Variants in DMD observed in about 807,000 individuals in gnomAD.
DMD encodes the protein dystrophin.
Under a neutral mutation model 330.1 loss-of-function variants are expected in DMD, and 63 were observed. The observed-to-expected ratio is 0.19, with a 90% CI of 0.16 to 0.24. The LOEUF is 0.24. Among genes scored for constraint, DMD ranks in the 10% least tolerant of loss-of-function variants. The pLI, the probability that DMD is intolerant of heterozygous loss-of-function variation, is 1.00. For synonymous variants in DMD, 1,223 were observed against 959.8 expected (o/e 1.27, Z -5.07); for missense variants, 3,344 against 2,684.1 (o/e 1.25, Z -5.43).
chrX:32,421,604 C>A (rs1465972639), intron 29 of DMD, among the ~76,000 whole-genome samples: 1 of 111,664 alleles, frequency 9.0e-6, no homozygotes, highest in African/African-American at 3.3e-5. Flanking sequence ...GGGTCATCTG[C>A]CACAAAATGT....
At chrX:31,539,168 C>T (rs1603341657) in intron 55 of DMD, among the ~76,000 whole-genome samples, 1 of 111,813 alleles carries the variant, frequency 8.9e-6, no homozygotes, top group African/African-American at 3.3e-5. Context: ...GAGAAGTGCT[C>T]TGATACAGAG....
intron 1 of DMD, among the ~76,000 whole-genome samples, chrX:33,306,897 C>T (rs2053771394): frequency 9.0e-6 from 1 of 111,393 alleles, no homozygotes. Context: ...GTTGTTTATC[C>T]CCACCCTGAC....
At chrX:32,731,782 C>A (rs1055433966) in intron 7 of DMD, among the ~76,000 whole-genome samples, 1 of 111,907 alleles carries the variant, frequency 8.9e-6, no homozygotes, top group African/African-American at 3.3e-5. Context: ...CATCAAAGTC[C>A]AAAAGTAGAT....
intron 54 of DMD, among the ~76,000 whole-genome samples, chrX:31,653,438 C>G (rs999632212): frequency 1.8e-5 from 2 of 110,454 alleles, no homozygotes; most frequent in African/African-American, 3.3e-5. Flanking sequence ...TTTTTAGTAT[C>G]TGGGAGCTTA....
intron 62 of DMD, among the ~76,000 whole-genome samples, chrX:31,263,254 T>C (rs1339612164): frequency 8.9e-6 from 1 of 111,850 alleles, no homozygotes; most frequent in Non-Finnish European, 1.9e-5. Flanking sequence ...TAGAGGAACA[T>C]AGGCAAGAAA....
At chrX:32,572,785 T>G (rs1287146473) in intron 15 of DMD, among the ~76,000 whole-genome samples, 2 of 110,904 alleles carry the variant, frequency 1.8e-5, no homozygotes, top group Non-Finnish European at 3.8e-5. Context: ...GCATTGGAGG[T>G]AGGGCCTGGT....
intron 62 of DMD, among the ~76,000 whole-genome samples, chrX:31,302,108 A>G (rs1054690054): frequency 8.9e-5 from 10 of 111,853 alleles, no homozygotes; most frequent in Middle Eastern, 4.2e-3. Context: ...GCAACTACCA[A>G]CATCAAACAC....
intron 1 of DMD, among the ~76,000 whole-genome samples, chrX:33,149,085 T>G (rs758808110): frequency 9.0e-6 from 1 of 110,646 alleles, no homozygotes; most frequent in Non-Finnish European, 1.9e-5. Context: ...AATTGGAGAC[T>G]ATTTCATTTA....
At chrX:31,721,690 C>CCA (rs1569292615) in intron 52 of DMD, among the ~76,000 whole-genome samples, 14 of 60,115 alleles carry the variant, frequency 2.3e-4, no homozygotes, top group Middle Eastern at 7.2e-3. Flanking sequence ...CTCTCACTCT[C>CCA]TCTCTCTCTC....
chrX:32,879,021 A>ACAAAAAAAAAAAAAAAAAAAAAAAAC (rs1557109750), intron 2 of DMD, among the ~76,000 whole-genome samples: 2 of 101,766 alleles, frequency 2.0e-5, no homozygotes, highest in Non-Finnish European at 4.1e-5. Context: ...AAAAAAACAA[A>ACAAAAAAAAAAAAAAAAAAAAAAAAC]AAACAAAAAA....
intron 30 of DMD, among the ~76,000 whole-genome samples, chrX:32,400,196 T>C (rs865938087): frequency 1.8e-5 from 2 of 112,099 alleles, no homozygotes; most frequent in African/African-American, 6.5e-5. Flanking sequence ...AAAGGCTTTT[T>C]CTGCATCTAT....
chrX:31,667,982 T>C (rs1295851740), intron 53 of DMD, among the ~76,000 whole-genome samples: 1 of 111,938 alleles, frequency 8.9e-6, no homozygotes, highest in East Asian at 2.8e-4. Context: ...AAAAGTACTA[T>C]CTCCTTGTGG....
intron 43 of DMD, among the ~76,000 whole-genome samples, chrX:32,256,786 G>A (rs192382854): frequency 9.0e-6 from 1 of 111,060 alleles, no homozygotes; most frequent in Non-Finnish European, 1.9e-5. Flanking sequence ...TAGTTTGGCT[G>A]GATATGAAAT....
chrX:33,085,714 C>G (rs1017300501), intron 1 of DMD, among the ~76,000 whole-genome samples: 2 of 111,325 alleles, frequency 1.8e-5, no homozygotes, highest in African/African-American at 3.3e-5. Flanking sequence ...ACTATCTTAC[C>G]AATAGGCTGT....
At chrX:32,173,066 G>GGTGTGTGTGTGTGTGTGT (rs3040089) in intron 44 of DMD, among the ~76,000 whole-genome samples, 18 of 89,611 alleles carry the variant, frequency 2.0e-4, no homozygotes, top group African/African-American at 6.9e-4. Flanking sequence ...ACCTGATTTT[G>GGTGTGTGTGTGTGTGTGT]GTGTGTGTGT....
chrX:31,700,931 C>T (rs778139484), intron 52 of DMD, among the ~76,000 whole-genome samples: 20 of 111,740 alleles, frequency 1.8e-4, no homozygotes, highest in Admixed American at 5.7e-4. Flanking sequence ...GATGATCCAT[C>T]GGTCCAGCAT....
intron 49 of DMD, among the ~76,000 whole-genome samples, chrX:31,822,653 G>GGGGGGTGTGTGTGTGTGTGT (rs58903799): frequency 1.5e-5 from 1 of 65,809 alleles, no homozygotes; most frequent in Non-Finnish European, 2.6e-5. Flanking sequence ...AAGGCAGAGG[G>GGGGGGTGTGTGTGTGTGTGT]GTGTGTGTGT....
In DMD at chrX:31,755,835, G is replaced by C. The variant is rs143888908; in HGVS notation, c.7542+18125C>G. 7.5e-3 allele frequency among the ~76,000 whole-genome samples: 840 copies of C among 111,574 alleles called. 6 individuals are homozygous for C. Among genetic ancestry groups the C allele is most frequent in the African/African-American group, 0.026 (787 of 30,753 alleles). On this transcript the variant is annotated intron_variant, in intron 51 of 78. Transcript: ENST00000357033. ...TTTTTGCATACTATTACTATCATAT[G>C]AATAATTTCACAATCTTGCCTTGTC... is the stretch of plus-strand genomic sequence containing the variant.
At chrX:31,796,895 C>G (rs2091857650) in intron 50 of DMD, among the ~76,000 whole-genome samples, 1 of 110,929 alleles carries the variant, frequency 9.0e-6, no homozygotes, top group Non-Finnish European at 1.9e-5. Flanking sequence ...TTTATGCTCT[C>G]TAACCATGTG....
Sources: allele counts gnomAD v4.1 joint callset (sites outside exome capture counted in the v4.1 genomes callset), GRCh38; gene constraint gnomAD v4.1.1; transcripts MANE v1.5; gene names NCBI Gene and HGNC (gene_info 2026-07-23, HGNC 2026-07-21).